MITF: variants seen among roughly 807,000 people sequenced by gnomAD.
MITF encodes microphthalmia-associated transcription factor.
A neutral mutation model predicts 60.5 loss-of-function variants in MITF; 17 were observed. The ratio of observed to expected loss-of-function variants is 0.28; its 90% CI spans 0.19 to 0.42. The LOEUF is 0.42. MITF is among the 10% of genes least tolerant of loss of function. The pLI is 1.00. For synonymous variants in MITF, 260 were observed against 248.5 expected, an observed-to-expected ratio of 1.05 and a Z score of -0.43; for missense variants, 622 against 683.5, an observed-to-expected ratio of 0.91 and a Z score of 1.00.
intron 9 of MITF, among the ~76,000 whole-genome samples, chr3:69,964,018 C>T (rs1481769983): frequency 7.6e-6 from 1 of 131,956 alleles, no homozygotes; most frequent in East Asian, 2.3e-4. Context: ...CTCTTCTAGC[C>T]CAGGCTGGAG....
Position 69,741,347 on chromosome 3 carries a change from AGT to A in MITF, c.104+1656_104+1657del, listed in dbSNP as rs1003424010. The stretch of plus-strand genomic sequence containing the variant: ...CTTACACGGCCAGAATGAGGGAATG[AGT>A]GTGTGTGTGGAATCCTGAAAGAAAT... On this transcript the variant is annotated intron_variant, in intron 1 of 9. Coordinates refer to ENST00000352241, the MANE Select transcript of MITF (RefSeq NM_001354604.2). Among the ~76,000 whole-genome samples the A allele has an allele frequency of 2.6e-5, 4 of 152,222 alleles. No individual in the cohort carries two copies. The East Asian group carries it at 7.7e-4, about 29-fold the overall frequency.
At chr3:69,856,244 A>C (rs1446790997) in intron 1 of MITF, among the ~76,000 whole-genome samples, 3 of 152,148 alleles carry the variant, frequency 2.0e-5, no homozygotes, top group Non-Finnish European at 4.4e-5. Context: ...TCTCATGCTA[A>C]CTTCATTACT....
intron 1 of MITF, among the ~76,000 whole-genome samples, chr3:69,747,822 T>C (rs188800601): frequency 7.2e-5 from 11 of 152,344 alleles, no homozygotes; most frequent in African/African-American, 2.6e-4. Flanking sequence ...TCCTGACTGT[T>C]GTTGTCCTGA....
chr3:69,844,418 A>T, intron 1 of MITF, among the ~76,000 whole-genome samples: 1 of 152,360 alleles, frequency 6.6e-6, no homozygotes, highest in South Asian at 2.1e-4. Context: ...GGCTAGCCAT[A>T]TGTAGAAAAC....
chr3:69,859,272 T>C (rs2063970949), intron 1 of MITF, among the ~76,000 whole-genome samples: 1 of 152,282 alleles, frequency 6.6e-6, no homozygotes. Flanking sequence ...TTATACAAAT[T>C]GGAGGTTTTG....
At chr3:69,944,595 A>G (rs2066050477) in intron 5 of MITF, among the ~76,000 whole-genome samples, 2 of 152,142 alleles carry the variant, frequency 1.3e-5, no homozygotes, top group African/African-American at 4.8e-5. Flanking sequence ...TAGGGGAAAG[A>G]CAATGTAACT....
Position 69,967,399 on chromosome 3 carries a change from A to AT in MITF, c.*2152dup, listed in dbSNP as rs1384422120. The AT allele has an allele frequency of 4.3e-6, 1 of 232,448 alleles. No homozygotes were observed. Among genetic ancestry groups the AT allele is most frequent in the African/African-American group, 2.2e-5 (1 of 45,220 alleles). The allele number at this position is 232,448 out of a possible 1,614,324, so 14.4% of individuals were successfully genotyped here. A position where few individuals can be genotyped will look rare whatever the true frequency, so the allele number is the denominator to read the frequency against. ...TGTCTATTTTTCTCTTCATATTTATATGGGGGGGAGGGCGCTGGATGCAAA... is the reference window on the plus strand; with the variant it reads ...TGTCTATTTTTCTCTTCATATTTATATTGGGGGGGAGGGCGCTGGATGCAAA... On this transcript the variant is annotated 3_prime_UTR_variant, in exon 10 of 10. Coordinates refer to ENST00000352241, the MANE Select transcript of MITF (RefSeq NM_001354604.2).
chr3:69,905,712 T>C (rs1052390579), intron 2 of MITF, among the ~76,000 whole-genome samples: 1 of 152,092 alleles, frequency 6.6e-6, no homozygotes, highest in African/African-American at 2.4e-5. Context: ...TATCTCATTG[T>C]GTGTTTTTTT....
chr3:69,842,949 A>G (rs2063666875), intron 1 of MITF, among the ~76,000 whole-genome samples: 1 of 152,152 alleles, frequency 6.6e-6, no homozygotes, highest in African/African-American at 2.4e-5. Flanking sequence ...GGTCCTACCT[A>G]CATATCCTTC....
intron 1 of MITF, among the ~76,000 whole-genome samples, chr3:69,855,330 TC>T (rs2063899289): frequency 6.8e-6 from 1 of 147,556 alleles, no homozygotes; most frequent in African/African-American, 2.5e-5. Flanking sequence ...AGTTTAAAAA[TC>T]TATAATAATA....
At chr3:69,842,606 C>G (rs1230305153) in intron 1 of MITF, among the ~76,000 whole-genome samples, 1 of 152,190 alleles carries the variant, frequency 6.6e-6, no homozygotes, top group East Asian at 1.9e-4. Context: ...CTTGGTGCAG[C>G]TGGGTGCAGT....
At position 69,827,477 on chromosome 3, in the gene MITF, C is replaced by T. The variant is rs114022054; in HGVS notation, c.105-51657C>T. Among the ~76,000 whole-genome samples the T allele has an allele frequency of 8.4e-3, 1,282 of 152,228 alleles. 11 individuals are homozygous for T. The highest frequency in any genetic ancestry group is 0.026 in the African/African-American group (1,080 of 41,542). On this transcript the variant is annotated intron_variant, in intron 1 of 9. Transcript: ENST00000352241. ...GTCTTGAATAGGAGAAAAAAGGAAACGGAGGAACCACAGAGTGGCTCTTAG... is the reference window on the plus strand; with the variant it reads ...GTCTTGAATAGGAGAAAAAAGGAAATGGAGGAACCACAGAGTGGCTCTTAG...
At chr3:69,817,553 G>C (rs577949706) in intron 1 of MITF, among the ~76,000 whole-genome samples, 1 of 152,104 alleles carries the variant, frequency 6.6e-6, no homozygotes, top group Non-Finnish European at 1.5e-5. Flanking sequence ...GGTTTGGAAA[G>C]AAACATGAAG....
At chr3:69,739,777 G>A (rs1703456099) in intron 1 of MITF, 76 bp downstream of exon 1, 4 of 1,108,482 alleles carry the variant, frequency 3.6e-6, no homozygotes, top group Non-Finnish European at 5.4e-6. Context: ...GGCGAGGAGA[G>A]CGGGTCGCGG....
intron 1 of MITF, among the ~76,000 whole-genome samples, chr3:69,793,811 GA>G (rs2062783985): frequency 6.6e-6 from 1 of 152,146 alleles, no homozygotes; most frequent in African/African-American, 2.4e-5. Context: ...GCCAGCACTG[GA>G]ATGATCTTCA....
At chr3:69,941,104 G>A (rs994278380) in intron 4 of MITF, 132 bp from the exon 5 acceptor site, 5 of 637,408 alleles carry the variant, frequency 7.8e-6, no homozygotes, top group African/African-American at 7.4e-5. Flanking sequence ...AGTGGAAAGA[G>A]GACAGTTACT....
chr3:69,769,876 CA>C (rs1370809193), intron 1 of MITF: 1 of 152,152 alleles, frequency 6.6e-6, no homozygotes, highest in African/African-American at 2.4e-5. Flanking sequence ...ATTTCTGATA[CA>C]GAATAATTGT....
At chr3:69,956,104 T>C (rs1478679100) in intron 7 of MITF, among the ~76,000 whole-genome samples, 1 of 152,212 alleles carries the variant, frequency 6.6e-6, no homozygotes, top group Non-Finnish European at 1.5e-5. Flanking sequence ...TCTAAGGGGT[T>C]AGGTTAGAAT....
chr3:69,745,889 T>G (rs1333895203), intron 1 of MITF, among the ~76,000 whole-genome samples: 1 of 152,234 alleles, frequency 6.6e-6, no homozygotes. Context: ...CAAAAATGTA[T>G]AAATGTGTTT....
Sources: gnomAD v4.1 joint callset for allele counts (sites outside exome capture counted in the v4.1 genomes callset) on GRCh38, gnomAD v4.1.1 for gene constraint, MANE v1.5 for transcripts, NCBI Gene and HGNC (gene_info 2026-07-23, HGNC 2026-07-21) for gene names.